MRPL48: variants seen among roughly 807,000 people sequenced by gnomAD.
The protein encoded by MRPL48 is mitochondrial ribosomal protein L48.
In MRPL48, 16 loss-of-function variants were observed where a neutral mutation model predicts 32.9. The observed-to-expected ratio is 0.49, with a 90% confidence interval of 0.33 to 0.74. The LOEUF is 0.74. Among genes scored for constraint, MRPL48 ranks in the 30% least tolerant of loss-of-function variants. The pLI, the probability that MRPL48 is intolerant of heterozygous loss-of-function variation, is 0.02. For missense variants in MRPL48, 206 were observed against 245.3 expected (o/e 0.84, Z 1.07); for synonymous variants, 94 against 89.2 (o/e 1.05, Z -0.31).
intron 5 of MRPL48, among the ~76,000 whole-genome samples, chr11:73,855,453 C>A (rs1284504325): frequency 3.9e-5 from 6 of 151,958 alleles, no homozygotes; most frequent in Non-Finnish European, 5.9e-5. Flanking sequence ...TGCTCTTCCT[C>A]TCTTCATCTA....
At chr11:73,800,725 G>A (rs779301307) in intron 1 of MRPL48, among the ~76,000 whole-genome samples, 18 of 151,964 alleles carry the variant, frequency 1.2e-4, no homozygotes, top group Non-Finnish European at 1.9e-4. Context: ...CAGGGGAGAG[G>A]AAGCACATTT....
At chr11:73,816,558 C>T (rs984649094) in intron 3 of MRPL48, among the ~76,000 whole-genome samples, 5 of 151,102 alleles carry the variant, frequency 3.3e-5, no homozygotes, top group African/African-American at 4.9e-5. Flanking sequence ...CTCCACCTCC[C>T]GGTTCAAGCG....
At chr11:73,806,570 C>T (rs187600506) in intron 2 of MRPL48, among the ~76,000 whole-genome samples, 4 of 152,226 alleles carry the variant, frequency 2.6e-5, no homozygotes, top group African/African-American at 9.6e-5. Flanking sequence ...AAATGTTTAA[C>T]TGTCTTTCCT....
intron 6 of MRPL48, 94 bp from the exon 7 acceptor site, chr11:73,863,078 T>C: frequency 9.1e-7 from 1 of 1,096,242 alleles, no homozygotes. Context: ...CTCCAGACTC[T>C]ACTGGAGCTG....
chr11:73,825,917 C>T (rs531959625), intron 4 of MRPL48, 121 bp downstream of exon 4: 9 of 828,090 alleles, frequency 1.1e-5, no homozygotes, highest in African/African-American at 8.8e-5. Context: ...GCCTCTCAAT[C>T]CTTGCCAGTT....
intron 1 of MRPL48, among the ~76,000 whole-genome samples, chr11:73,794,952 C>A (rs1947229077): frequency 6.6e-6 from 1 of 151,172 alleles, no homozygotes; most frequent in African/African-American, 2.4e-5. Flanking sequence ...GCTCCGTCGC[C>A]CAGGCTGGAG....
chr11:73,846,744 C>A (rs1318733442), intron 5 of MRPL48, among the ~76,000 whole-genome samples: 1 of 151,716 alleles, frequency 6.6e-6, no homozygotes, highest in Non-Finnish European at 1.5e-5. Context: ...TCTCTCCCAC[C>A]CAGGCTGGTA....
At chr11:73,852,634 A>G (rs1948419414) in intron 5 of MRPL48, among the ~76,000 whole-genome samples, 1 of 152,184 alleles carries the variant, frequency 6.6e-6, no homozygotes, top group Admixed American at 6.5e-5. Flanking sequence ...AGGAACCTTT[A>G]TACACTGTTG....
chr11:73,819,552 CT>C (rs1444757078), intron 3 of MRPL48, among the ~76,000 whole-genome samples: 1 of 152,192 alleles, frequency 6.6e-6, no homozygotes, highest in Non-Finnish European at 1.5e-5. Flanking sequence ...GAATTTCAAA[CT>C]TTGGGCAACA....
At chr11:73,809,036 C>T (rs1007433159) in intron 3 of MRPL48, among the ~76,000 whole-genome samples, 1 of 151,524 alleles carries the variant, frequency 6.6e-6, no homozygotes, top group African/African-American at 2.4e-5. Context: ...TCCTACCTAC[C>T]CCAGAGGCCA....
chr11:73,834,420 T>A (rs1328686243), intron 4 of MRPL48, among the ~76,000 whole-genome samples: 1 of 152,228 alleles, frequency 6.6e-6, no homozygotes, highest in Non-Finnish European at 1.5e-5. Context: ...TTAGCCACTA[T>A]GTTCACATTT....
intron 5 of MRPL48, among the ~76,000 whole-genome samples, chr11:73,856,632 T>C (rs549603681): frequency 6.6e-6 from 1 of 152,346 alleles, no homozygotes; most frequent in African/African-American, 2.4e-5. Context: ...TCACTCACTA[T>C]GAGGCTGCTC....
chr11:73,821,544 C>T (rs1006089110), intron 3 of MRPL48, among the ~76,000 whole-genome samples: 1 of 152,094 alleles, frequency 6.6e-6, no homozygotes, highest in African/African-American at 2.4e-5. Flanking sequence ...CTGCCTATAC[C>T]GTGTTTTCTC....
chr11:73,817,842 TG>T (rs1565412803), intron 3 of MRPL48: 2 of 395,632 alleles, frequency 5.1e-6, no homozygotes, highest in Admixed American at 2.8e-5. Flanking sequence ...GTCTTGCTTG[TG>T]GCCCAGGCTT....
intron 5 of MRPL48, among the ~76,000 whole-genome samples, chr11:73,857,054 G>A (rs1239792450): frequency 6.6e-6 from 1 of 151,652 alleles, no homozygotes; most frequent in Non-Finnish European, 1.5e-5. Flanking sequence ...ACCTATTATT[G>A]CCTTTGTCTT....
intron 2 of MRPL48, among the ~76,000 whole-genome samples, chr11:73,807,903 T>A (rs1457003127): frequency 6.6e-6 from 1 of 152,202 alleles, no homozygotes; most frequent in African/African-American, 2.4e-5. Flanking sequence ...CCTCCCAAAG[T>A]GCTGGGATTA....
intron 4 of MRPL48, among the ~76,000 whole-genome samples, chr11:73,834,210 A>T (rs1381807907): frequency 6.6e-6 from 1 of 152,196 alleles, no homozygotes; most frequent in Non-Finnish European, 1.5e-5. Context: ...TAGAAAGATT[A>T]ATGAGACATA....
chr11:73,820,104 G>C (rs1947747883), intron 3 of MRPL48, among the ~76,000 whole-genome samples: 1 of 152,116 alleles, frequency 6.6e-6, no homozygotes, highest in Non-Finnish European at 1.5e-5. Flanking sequence ...CTTCACATAA[G>C]AACCAAAATG....
At position 73,813,012 on chromosome 11, in the gene MRPL48, T is replaced by C. The variant is rs564552836; in HGVS notation, c.112+4662T>C. The stretch of plus-strand genomic sequence containing the variant: ...GTGATCCACCCACCTCGGTCTCCCA[T>C]AGTGCTAAGATTACAGGTGTGAGCA... On this transcript the variant is annotated intron_variant, in intron 3 of 7. Transcript: ENST00000310614. 6.0e-5 allele frequency among the ~76,000 whole-genome samples: 9 copies of C among 149,564 alleles called. No individual in the cohort carries two copies. In the East Asian group the frequency reaches 1.8e-3, roughly 30 times the overall value.
Sources: gnomAD v4.1 joint callset for allele counts (sites outside exome capture counted in the v4.1 genomes callset) on GRCh38, gnomAD v4.1.1 for gene constraint, MANE v1.5 for transcripts, NCBI Gene and HGNC (gene_info 2026-07-23, HGNC 2026-07-21) for gene names.